Variants in SAMD5 observed in about 807,000 individuals in gnomAD.
The protein encoded by SAMD5 is sterile alpha motif domain containing 5, also known as sterile alpha motif domain-containing protein 5.
In SAMD5, 13 loss-of-function variants were observed where a neutral mutation model predicts 11.3. The observed-to-expected ratio is 1.15, with a 90% confidence interval of 0.75 to 1.83. The LOEUF (loss-of-function observed/expected upper bound fraction) is 1.83. Among genes scored for constraint, SAMD5 ranks in the 40% most tolerant of loss-of-function variants. SAMD5 has a pLI of 0.00. For synonymous variants in SAMD5, 129 were observed against 111.3 expected (o/e 1.16, Z -1.00); for missense variants, 255 against 239.1 (o/e 1.07, Z -0.44).
the SAMD5 span, among the ~76,000 whole-genome samples, chr6:147,870,899 A>G: frequency 1.3e-5 from 2 of 152,066 alleles, no homozygotes; most frequent in African/African-American, 2.4e-5. Context: ...CATTTCTCAG[A>G]ATTTTTCCAC....
chr6:147,816,301 A>AAAAAATAAATATATATAT, the SAMD5 span, among the ~76,000 whole-genome samples: 1 of 66,362 alleles, frequency 1.5e-5, no homozygotes, highest in Non-Finnish European at 2.4e-5. Context: ...AAAAAAAAAA[A>AAAAAATAAATATATATAT]ATATATATAT....
chr6:147,769,738 A>G, the SAMD5 span, among the ~76,000 whole-genome samples: 1 of 152,118 alleles, frequency 6.6e-6, no homozygotes, highest in Non-Finnish European at 1.5e-5. Context: ...TTAACCCTGT[A>G]TTTTCTGCCT....
At chr6:147,559,859 C>T (rs1311681712) in intron 1 of SAMD5, among the ~76,000 whole-genome samples, 1 of 152,134 alleles carries the variant, frequency 6.6e-6, no homozygotes, top group South Asian at 2.1e-4. Context: ...TATAACCTAA[C>T]ATTGCATCCT....
chr6:147,709,539 C>G (rs1188725944), intron 1 of SAMD5, among the ~76,000 whole-genome samples: 1 of 152,158 alleles, frequency 6.6e-6, no homozygotes, highest in Non-Finnish European at 1.5e-5. Flanking sequence ...AGAGTGCTCT[C>G]CTGGCACAGA....
At chr6:147,744,149 C>G in the SAMD5 span, among the ~76,000 whole-genome samples, 2 of 152,172 alleles carry the variant, frequency 1.3e-5, no homozygotes, top group Non-Finnish European at 1.5e-5. Context: ...ATTTAATATT[C>G]TTTCAATCTT....
intron 1 of SAMD5, among the ~76,000 whole-genome samples, chr6:147,631,998 C>T (rs1790158533): frequency 6.6e-6 from 1 of 152,106 alleles, no homozygotes; most frequent in African/African-American, 2.4e-5. Flanking sequence ...GAGATATTTT[C>T]CTTGGTCCAA....
At chr6:147,651,209 A>G (rs1790478679) in intron 1 of SAMD5, among the ~76,000 whole-genome samples, 1 of 152,208 alleles carries the variant, frequency 6.6e-6, no homozygotes, top group Admixed American at 6.5e-5. Flanking sequence ...AATAGAGAAA[A>G]GTGATTAAAG....
chr6:147,693,040 CT>C (rs1791125019), intron 1 of SAMD5, among the ~76,000 whole-genome samples: 1 of 152,202 alleles, frequency 6.6e-6, no homozygotes, highest in African/African-American at 2.4e-5. Context: ...GAAGATGGTA[CT>C]TGTTAAATTG....
the SAMD5 span, among the ~76,000 whole-genome samples, chr6:147,803,434 T>G: frequency 6.6e-6 from 1 of 152,230 alleles, no homozygotes; most frequent in African/African-American, 2.4e-5. Context: ...GTCAGTTCTT[T>G]CATCTGTCTT....
Position 147,567,716 on chromosome 6 carries a change from A to G in SAMD5, c.*3260A>G, listed in dbSNP as rs1201563666. 1.0e-6 allele frequency: 1 copy of G among 985,228 alleles called. No individual in the cohort carries two copies. Among genetic ancestry groups the G allele is most frequent in the Non-Finnish European group, 1.2e-6 (1 of 829,866 alleles). 61.0% of individuals were successfully genotyped at this position (985,228 alleles called of 1,614,324 possible). A position where few individuals can be genotyped will look rare whatever the true frequency, so the allele number is the denominator to read the frequency against. On this transcript the variant is annotated 3_prime_UTR_variant, in exon 2 of 2. Transcript: ENST00000367474. ...AGAAGAGATTACCTTAAAGCTGACT[A>G]GAAAACTCAGACATAAATTGACATT...
the SAMD5 span, among the ~76,000 whole-genome samples, chr6:147,935,235 C>A: frequency 6.6e-6 from 1 of 152,148 alleles, no homozygotes; most frequent in African/African-American, 2.4e-5. Context: ...TGTATGTCTT[C>A]TGCCTGCCTC....
At position 147,537,741 on chromosome 6, in the gene SAMD5, G is replaced by A. The variant is rs370205518; in HGVS notation, c.460-26653G>A. ...ACTGCCCTCCAGCCTGGGTGACAGA[G>A]AGAGACTCCGTCTCAAAAAAAAAAA... is the stretch of plus-strand genomic sequence containing the variant. On this transcript the variant is annotated intron_variant, in intron 1 of 1. Coordinates refer to ENST00000367474, the MANE Select transcript of SAMD5 (RefSeq NM_001030060.3). 4.3e-5 allele frequency among the ~76,000 whole-genome samples: 6 copies of A among 140,170 alleles called. 1 individual carries two copies. Among genetic ancestry groups the A allele is most frequent in the African/African-American group, 1.4e-4 (5 of 36,182 alleles). The allele number at this position is 140,170 out of a possible 152,430, so 92.0% of individuals were successfully genotyped here. A position where few individuals can be genotyped will look rare whatever the true frequency, so the allele number is the denominator to read the frequency against.
chr6:147,834,576 T>C, the SAMD5 span, among the ~76,000 whole-genome samples: 1 of 152,320 alleles, frequency 6.6e-6, no homozygotes. Flanking sequence ...GACACTGATA[T>C]GTGCACTCAT....
chr6:147,860,926 G>T, the SAMD5 span, among the ~76,000 whole-genome samples: 2 of 152,158 alleles, frequency 1.3e-5, no homozygotes, highest in African/African-American at 4.8e-5. Context: ...CAATAATGAA[G>T]AGATAACAGG....
chr6:147,699,136 G>C (rs1350250692), intron 1 of SAMD5, among the ~76,000 whole-genome samples: 1 of 152,126 alleles, frequency 6.6e-6, no homozygotes, highest in African/African-American at 2.4e-5. Flanking sequence ...ACTCCCAGTG[G>C]AATCTTGTTT....
intron 1 of SAMD5, among the ~76,000 whole-genome samples, chr6:147,671,453 C>T (rs185987387): frequency 1.6e-4 from 24 of 152,222 alleles, no homozygotes; most frequent in South Asian, 6.2e-4. Context: ...TTTTGATATA[C>T]GGATTAATAT....
chr6:147,673,543 C>T (rs182652765), intron 1 of SAMD5, among the ~76,000 whole-genome samples: 9 of 152,168 alleles, frequency 5.9e-5, no homozygotes, highest in African/African-American at 1.9e-4. Context: ...AGATTTTTAG[C>T]CTTTTCTTTT....
intron 1 of SAMD5, among the ~76,000 whole-genome samples, chr6:147,524,683 A>G (rs959321617): frequency 6.6e-6 from 1 of 152,106 alleles, no homozygotes; most frequent in East Asian, 1.9e-4. Flanking sequence ...ATTGTTTTCC[A>G]TTCGCACCTA....
chr6:147,644,572 A>G (rs1790368903), intron 1 of SAMD5, among the ~76,000 whole-genome samples: 1 of 152,240 alleles, frequency 6.6e-6, no homozygotes, highest in Non-Finnish European at 1.5e-5. Context: ...TAGATAATGC[A>G]TCAGTATGTC....
Sources: allele counts gnomAD v4.1 joint callset (sites outside exome capture counted in the v4.1 genomes callset), GRCh38; gene constraint gnomAD v4.1.1; transcripts MANE v1.5; gene names NCBI Gene and HGNC (gene_info 2026-07-23, HGNC 2026-07-21).